Variants in CHN1 observed in about 807,000 individuals in gnomAD.
CHN1 encodes the protein chimerin 1.
A neutral mutation model predicts 59.5 loss-of-function variants in CHN1; 37 were observed. The observed-to-expected ratio is 0.62, with a 90% CI of 0.48 to 0.82. The LOEUF is 0.82. CHN1 is among the 40% of genes least tolerant of loss of function. CHN1 has a pLI of 0.00. For missense variants in CHN1, 469 were observed against 571.0 expected, an observed-to-expected ratio of 0.82 and a Z score of 1.82; for synonymous variants, 206 against 200.4, an observed-to-expected ratio of 1.03 and a Z score of -0.24.
chr2:174,852,145 C>T (rs1388147591), intron 6 of CHN1, among the ~76,000 whole-genome samples: 2 of 151,502 alleles, frequency 1.3e-5, no homozygotes, highest in African/African-American at 4.9e-5. Flanking sequence ...AAAAATTAGC[C>T]GGGTGTGGTG....
At chr2:174,920,989 G>A (rs546595793) in intron 3 of CHN1, 31 of 429,890 alleles carry the variant, frequency 7.2e-5, no homozygotes, top group Non-Finnish European at 1.3e-4. Context: ...TAGGTCCCTC[G>A]CATGTGCAGT....
At chr2:174,919,764 CT>C (rs922113528) in intron 3 of CHN1, among the ~76,000 whole-genome samples, 2,461 of 144,332 alleles carry the variant, frequency 0.017, 23 homozygotes, top group African/African-American at 0.036. Context: ...ACTTCACATA[CT>C]TTTTTTTTTT....
chr2:174,830,242 TAAAAA>T (rs1260007674), intron 7 of CHN1, among the ~76,000 whole-genome samples: 2 of 150,438 alleles, frequency 1.3e-5, no homozygotes, highest in African/African-American at 2.5e-5. Flanking sequence ...CAAAAAAAAA[TAAAAA>T]ATAAAAAAAT....
chr2:174,904,893 C>G (rs960592835), intron 5 of CHN1, among the ~76,000 whole-genome samples: 28 of 152,096 alleles, frequency 1.8e-4, no homozygotes, highest in Admixed American at 1.6e-3. Flanking sequence ...CCAGCCCTTT[C>G]AGAGGCCAAA....
At chr2:174,926,009 T>C (rs950119506) in intron 3 of CHN1, among the ~76,000 whole-genome samples, 10 of 152,226 alleles carry the variant, frequency 6.6e-5, no homozygotes, top group Admixed American at 3.3e-4. Flanking sequence ...ATAAATGTTA[T>C]ATGCTATTTC....
At chr2:174,890,662 T>G (rs1688017719) in intron 5 of CHN1, among the ~76,000 whole-genome samples, 1 of 152,078 alleles carries the variant, frequency 6.6e-6, no homozygotes, top group Non-Finnish European at 1.5e-5. Flanking sequence ...ACTTTAATAA[T>G]GAGTAGAAAA....
At chr2:174,824,539 CAA>C (rs1243808805) in intron 7 of CHN1, 21 bp from the exon 8 acceptor site, 1 of 1,535,232 alleles carries the variant, frequency 6.5e-7, no homozygotes, top group Non-Finnish European at 8.9e-7. Flanking sequence ...AAAAGAGGGG[CAA>C]AGTCAGGAAA....
At position 174,846,875 on chromosome 2, in the gene CHN1, C is replaced by G; in HGVS notation, c.627+5G>C. 1.3e-6 allele frequency: 2 copies of G among 1,547,388 alleles called. No homozygotes were observed. Among genetic ancestry groups the G allele is most frequent in the Non-Finnish European group, 1.7e-6 (2 of 1,144,522 alleles). ...TCTTAAAAGACTAAAAGCAAATATT[C>G]TTACCTTGAAATTGTGAATCTTTTC... On this transcript the variant is annotated splice_donor_5th_base_variant and intron_variant, in intron 7 of 12. Coordinates refer to ENST00000409900, the MANE Select transcript of CHN1 (RefSeq NM_001822.7).
At chr2:174,843,901 G>A (rs533973760) in intron 7 of CHN1, among the ~76,000 whole-genome samples, 2 of 151,960 alleles carry the variant, frequency 1.3e-5, no homozygotes, top group Admixed American at 6.6e-5. Flanking sequence ...CAGAATGCAT[G>A]GCACAATCAT....
intron 11 of CHN1, 144 bp downstream of exon 11, chr2:174,808,761 C>G: frequency 1.2e-6 from 1 of 849,554 alleles, no homozygotes; most frequent in Non-Finnish European, 1.9e-6. Context: ...GAGAACAATG[C>G]AAAATTCTTG....
intron 7 of CHN1, among the ~76,000 whole-genome samples, chr2:174,838,213 C>T (rs538157826): frequency 6.6e-6 from 1 of 152,258 alleles, no homozygotes; most frequent in East Asian, 1.9e-4. Context: ...TCTGCCTCAG[C>T]CTCCCAAGTA....
At chr2:174,970,605 T>G (rs997438673) in intron 1 of CHN1, among the ~76,000 whole-genome samples, 1 of 152,182 alleles carries the variant, frequency 6.6e-6, no homozygotes, top group Non-Finnish European at 1.5e-5. Context: ...ATTCACAAGA[T>G]TTACATAAAT....
At chr2:174,855,686 CA>C (rs1686878768) in intron 6 of CHN1, among the ~76,000 whole-genome samples, 2 of 152,008 alleles carry the variant, frequency 1.3e-5, no homozygotes, top group Non-Finnish European at 2.9e-5. Flanking sequence ...AAATGCTTTA[CA>C]TGTATGATAA....
intron 5 of CHN1, among the ~76,000 whole-genome samples, chr2:174,897,515 TAAA>T (rs10711155): frequency 1.4e-5 from 2 of 145,898 alleles, no homozygotes; most frequent in Non-Finnish European, 1.5e-5. Flanking sequence ...GCAGGATAGT[TAAA>T]AAAAAAAAAA....
intron 5 of CHN1, among the ~76,000 whole-genome samples, chr2:174,901,817 A>G (rs1574144772): frequency 6.6e-6 from 1 of 152,360 alleles, no homozygotes; most frequent in East Asian, 1.9e-4. Flanking sequence ...TAATAAAAAC[A>G]AAGTTACTGA....
intron 5 of CHN1, among the ~76,000 whole-genome samples, chr2:174,880,982 GT>G (rs890253963): frequency 6.0e-5 from 9 of 150,672 alleles, no homozygotes; most frequent in African/African-American, 2.2e-4. Context: ...GGAGGTGGAG[GT>G]TGTGGTGAGC....
chr2:174,811,343 A>G (rs546895804), intron 10 of CHN1, 168 bp downstream of exon 10: 2 of 535,554 alleles, frequency 3.7e-6, no homozygotes, highest in Admixed American at 6.9e-5. Flanking sequence ...TGACTGTTTA[A>G]TACTTACAAC....
intron 5 of CHN1, among the ~76,000 whole-genome samples, chr2:174,880,222 T>C (rs558636260): frequency 2.0e-5 from 3 of 152,186 alleles, no homozygotes; most frequent in Non-Finnish European, 2.9e-5. Flanking sequence ...ACTTATAACA[T>C]GGTTTGATTA....
intron 1 of CHN1, among the ~76,000 whole-genome samples, chr2:174,984,155 T>C (rs898696434): frequency 6.6e-6 from 1 of 151,876 alleles, no homozygotes; most frequent in East Asian, 1.9e-4. Flanking sequence ...ATTTTATCCA[T>C]GGGGAAAATA....
Sources: allele counts gnomAD v4.1 joint callset (sites outside exome capture counted in the v4.1 genomes callset), GRCh38; gene constraint gnomAD v4.1.1; transcripts MANE v1.5; gene names NCBI Gene and HGNC (gene_info 2026-07-23, HGNC 2026-07-21).